The following METTL15 variants were observed in gnomAD, a reference collection of about 807,000 sequenced individuals.
METTL15 encodes the protein 12S rRNA N(4)-cytidine methyltransferase METTL15.
In METTL15, 34 loss-of-function variants were observed where a neutral mutation model predicts 38.3. The ratio of observed to expected loss-of-function variants is 0.89; its 90% CI spans 0.68 to 1.18. METTL15 has a LOEUF of 1.18. Ranked by LOEUF, METTL15 falls within the 50% of genes most tolerant of loss-of-function variation. METTL15 has a pLI of 0.00. For synonymous variants in METTL15, 162 were observed against 170.9 expected (o/e 0.95, Z 0.41); for missense variants, 438 against 498.4 (o/e 0.88, Z 1.15).
intron 6 of METTL15, among the ~76,000 whole-genome samples, chr11:28,479,018 C>T (rs190824283): frequency 9.7e-4 from 147 of 151,064 alleles, no homozygotes; most frequent in African/African-American, 1.8e-3. Flanking sequence ...AGAATGTAAA[C>T]TTGTACTTTG....
chr11:28,125,825 A>G (rs1852457642), intron 3 of METTL15: 2 of 152,130 alleles, frequency 1.3e-5, no homozygotes. Flanking sequence ...AACTTACCTT[A>G]TAGTATATGC....
intron 6 of METTL15, among the ~76,000 whole-genome samples, chr11:28,468,085 G>T (rs1851272731): frequency 6.6e-6 from 1 of 152,054 alleles, no homozygotes; most frequent in Non-Finnish European, 1.5e-5. Flanking sequence ...TTGTTCCAAT[G>T]CTGCTGACAT....
At chr11:28,273,801 T>C (rs1744089073) in intron 4 of METTL15, among the ~76,000 whole-genome samples, 1 of 152,082 alleles carries the variant, frequency 6.6e-6, no homozygotes, top group Non-Finnish European at 1.5e-5. Flanking sequence ...TTTATTAGTA[T>C]AGGAAGTGAA....
chr11:28,118,702 T>C (rs1852079522), intron 3 of METTL15, among the ~76,000 whole-genome samples: 1 of 152,130 alleles, frequency 6.6e-6, no homozygotes. Flanking sequence ...TGGGGCTTCT[T>C]TGAGTGTTAT....
chr11:28,249,468 T>C (rs1200220171), intron 4 of METTL15, among the ~76,000 whole-genome samples: 2 of 152,114 alleles, frequency 1.3e-5, no homozygotes, highest in Non-Finnish European at 2.9e-5. Context: ...AATATGTAAA[T>C]ATATTAATTG....
At chr11:28,289,263 A>G (rs746892513) in intron 4 of METTL15, among the ~76,000 whole-genome samples, 12 of 152,186 alleles carry the variant, frequency 7.9e-5, no homozygotes, top group Non-Finnish European at 1.3e-4. Context: ...TCCAAATAAC[A>G]TAATGCCTGA....
chr11:28,216,674 T>G (rs1852888958), intron 4 of METTL15, among the ~76,000 whole-genome samples: 1 of 151,338 alleles, frequency 6.6e-6, no homozygotes, highest in Admixed American at 6.6e-5. Flanking sequence ...AGCTCATCAT[T>G]TACATTAGGT....
chr11:28,257,593 TG>T (rs959487093), intron 4 of METTL15, among the ~76,000 whole-genome samples: 52 of 152,294 alleles, frequency 3.4e-4, no homozygotes, highest in African/African-American at 1.2e-3. Flanking sequence ...TTCTTTTTTT[TG>T]TCTCTTCTGT....
chr11:28,364,684 G>C (rs905020834), intron 5 of METTL15, among the ~76,000 whole-genome samples: 1 of 152,144 alleles, frequency 6.6e-6, no homozygotes, highest in African/African-American at 2.4e-5. Flanking sequence ...TCTCTTGCCT[G>C]ATTCCCCTGA....
At chr11:28,193,371 A>G (rs1465837603) in intron 3 of METTL15, among the ~76,000 whole-genome samples, 2 of 152,124 alleles carry the variant, frequency 1.3e-5, no homozygotes, top group Non-Finnish European at 2.9e-5. Flanking sequence ...GCAAGCAGGC[A>G]CATCTTACAT....
intron 4 of METTL15, among the ~76,000 whole-genome samples, chr11:28,215,938 G>T (rs1852845573): frequency 6.6e-6 from 1 of 152,064 alleles, no homozygotes; most frequent in South Asian, 2.1e-4. Flanking sequence ...TCAGGAGGTT[G>T]AGATTGCAGT....
intron 3 of METTL15, among the ~76,000 whole-genome samples, chr11:28,340,168 C>A (rs1410867774): frequency 6.6e-6 from 1 of 151,840 alleles, no homozygotes; most frequent in Non-Finnish European, 1.5e-5. Flanking sequence ...ATTTTTAAAT[C>A]ATTTTAAAAA....
At chr11:28,310,878 A>ATGC (rs878913369) in intron 6 of METTL15, among the ~76,000 whole-genome samples, 50 of 64,710 alleles carry the variant, frequency 7.7e-4, no homozygotes, top group African/African-American at 2.3e-3. Context: ...CCTAGCTTAA[A>ATGC]TGCTGCTGCT....
chr11:28,506,598 A>G lies in METTL15; in HGVS notation c.*425-19880A>G, dbSNP rs190565447. ...CTTTGGTCTTAGGGTATATCTTGTCATATAAAACATCTTACTTGAGATTAT... is the reference window on the plus strand; with the variant it reads ...CTTTGGTCTTAGGGTATATCTTGTCGTATAAAACATCTTACTTGAGATTAT... On this transcript the variant is annotated intron_variant and NMD_transcript_variant, in intron 6 of 7. Coordinates refer to the METTL15 transcript ENST00000532947. Among the ~76,000 whole-genome samples, 158 of 152,268 alleles carry G rather than the reference A, an allele frequency of 1.0e-3. 1 individual carries two copies. In the Middle Eastern group the frequency reaches 0.031, roughly 30 times the overall value.
intron 3 of METTL15, among the ~76,000 whole-genome samples, chr11:28,190,723 A>AATAAT (rs1851670434): frequency 6.6e-6 from 1 of 151,300 alleles, no homozygotes; most frequent in African/African-American, 2.4e-5. Flanking sequence ...AATGTATCGA[A>AATAAT]ACATAGGTAA....
intron 3 of METTL15, among the ~76,000 whole-genome samples, chr11:28,191,995 A>G (rs987154799): frequency 6.6e-6 from 1 of 151,720 alleles, no homozygotes; most frequent in African/African-American, 2.4e-5. Flanking sequence ...AAGCCTTTTT[A>G]AAATAATGAT....
At chr11:28,501,333 T>C (rs1851581032) in intron 6 of METTL15, among the ~76,000 whole-genome samples, 1 of 152,172 alleles carries the variant, frequency 6.6e-6, no homozygotes, top group Non-Finnish European at 1.5e-5. Context: ...ATAATTTCCT[T>C]ATAGGTAATC....
chr11:28,248,303 C>T (rs1225229476), intron 4 of METTL15, among the ~76,000 whole-genome samples: 1 of 152,080 alleles, frequency 6.6e-6, no homozygotes, highest in Non-Finnish European at 1.5e-5. Context: ...AGAATTTCCC[C>T]TACTTGCATT....
intron 3 of METTL15, among the ~76,000 whole-genome samples, chr11:28,118,095 C>CAA (rs1433695420): frequency 6.6e-6 from 1 of 152,094 alleles, no homozygotes; most frequent in Non-Finnish European, 1.5e-5. Flanking sequence ...CTCCACCTCG[C>CAA]AGGTTCACTC....
Sources: gnomAD v4.1 joint callset for allele counts (sites outside exome capture counted in the v4.1 genomes callset) on GRCh38, gnomAD v4.1.1 for gene constraint, MANE v1.5 for transcripts, NCBI Gene and HGNC (gene_info 2026-07-23, HGNC 2026-07-21) for gene names.